Variants in ABHD16B observed in about 807,000 individuals in gnomAD.
ABHD16B encodes the protein abhydrolase domain-containing protein 16B.
Under a neutral mutation model 10.5 loss-of-function variants are expected in ABHD16B, and 14 were observed. The ratio of observed to expected loss-of-function variants is 1.33; its 90% CI spans 0.88 to 2.08. The LOEUF is 2.08. Ranked by LOEUF, ABHD16B falls within the 30% of genes most tolerant of loss-of-function variation. The pLI, the probability that ABHD16B is intolerant of heterozygous loss-of-function variation, is 0.00. For synonymous variants in ABHD16B, 374 were observed against 337.9 expected (o/e 1.11, Z -1.17); for missense variants, 763 against 717.4 (o/e 1.06, Z -0.73).
chr20:63,862,245 C>T lies in ABHD16B; in HGVS notation c.705C>T (p.His235=), dbSNP rs1291643792. The change falls in exon 1 of 1, where the codon CAC becomes CAT. Residue 235 remains histidine (H), a synonymous_variant. Transcript: ENST00000369916. This position sits in a 1 kb window ranked among gnomAD's most constrained non-coding sequence, Gnocchi z 7.5. ...TCGAGTACGCACTGCACCGCCTGCA[C>T]TTCCCGCCCGCGCACCTGGTGGTCT... The part of the protein sequence containing the change: ...VVVEYALHRL[H]FPPAHLVVYG... The T allele has an allele frequency of 1.2e-6, 2 of 1,611,882 alleles. No individual in the cohort carries two copies. Among genetic ancestry groups the T allele is most frequent in the East Asian group, 2.2e-5 (1 of 44,868 alleles).
rs1273499157 is a variant in ABHD16B, at chr20:63,862,536, C to T, written c.996C>T (p.Arg332=). 10 of 1,569,772 alleles carry T rather than the reference C, an allele frequency of 6.4e-6. No individual in the cohort carries two copies. Among genetic ancestry groups the T allele is most frequent in the Middle Eastern group, 1.7e-4 (1 of 6,048 alleles). Residue 332 remains arginine (R), a synonymous_variant, in exon 1 of 1, where the codon CGC becomes CGT. Coordinates refer to ENST00000369916, the MANE Select transcript of ABHD16B (RefSeq NM_080622.4). This position sits in a 1 kb window ranked among gnomAD's most constrained non-coding sequence, Gnocchi z 7.5. ...TGGTCAGCACTTCGGGCCGCCTGCGCCCCCTGTCACCTGGTGACGTGGAGG... is the reference window on the plus strand; with the variant it reads ...TGGTCAGCACTTCGGGCCGCCTGCGTCCCCTGTCACCTGGTGACGTGGAGG... ...DDVVSTSGRL[R]PLSPGDVEGN...
In ABHD16B at chr20:63,862,227, C is replaced by T. The variant is rs753876990; in HGVS notation, c.687C>T (p.Tyr229=). 11 of 1,611,564 alleles carry T rather than the reference C, an allele frequency of 6.8e-6. No individual in the cohort carries two copies. In the South Asian group the frequency reaches 9.9e-5, roughly 14 times the overall value. ...DANAMDVVVE[Y]ALHRLHFPPA... ...ACGCCATGGACGTGGTGGTCGAGTACGCACTGCACCGCCTGCACTTCCCGC... is the reference window on the plus strand; with the variant it reads ...ACGCCATGGACGTGGTGGTCGAGTATGCACTGCACCGCCTGCACTTCCCGC... Residue 229 remains tyrosine, a synonymous_variant, in exon 1 of 1, where the codon TAC becomes TAT. Transcript: ENST00000369916. This position sits in a 1 kb window ranked among gnomAD's most constrained non-coding sequence, Gnocchi z 7.5.
chr20:63,862,623 G>A lies in ABHD16B; in HGVS notation c.1083G>A (p.Ala361=). ...LLEHRYPVVM[A]REGRAVVTRW... is the part of the protein sequence containing the mutation. Reference sequence around the variant, plus strand: ...AGCACCGCTACCCCGTCGTGATGGCGCGAGAGGGCCGCGCCGTCGTCACCC... The same window carrying A: ...AGCACCGCTACCCCGTCGTGATGGCACGAGAGGGCCGCGCCGTCGTCACCC... Residue 361 remains alanine, a synonymous_variant, in exon 1 of 1, where the codon GCG becomes GCA. Coordinates refer to ENST00000369916, the MANE Select transcript of ABHD16B (RefSeq NM_080622.4). The surrounding 1 kb of genome is among the most constrained non-coding windows in gnomAD (Gnocchi z 7.5). 1.3e-6 allele frequency: 2 copies of A among 1,544,936 alleles called. No homozygotes were observed. The highest frequency in any genetic ancestry group is 3.8e-5 in the Admixed American group (2 of 51,976).
Position 63,862,584 on chromosome 20 carries a change from G to C in ABHD16B, c.1044G>C (p.Leu348=). 1.3e-6 allele frequency: 2 copies of C among 1,562,094 alleles called. No individual in the cohort carries two copies. Among genetic ancestry groups the C allele is most frequent in the South Asian group, 1.2e-5 (1 of 86,248 alleles). ...DVEGNRGNEL[L]LRLLEHRYPV... Reference sequence around the variant, plus strand: ...AGGGCAACCGGGGCAATGAGCTGCTGCTGCGCCTGCTGGAGCACCGCTACC... The same window carrying C: ...AGGGCAACCGGGGCAATGAGCTGCTCCTGCGCCTGCTGGAGCACCGCTACC... Residue 348 remains leucine (L), a synonymous_variant, in exon 1 of 1, where the codon CTG becomes CTC. Coordinates refer to ENST00000369916, the MANE Select transcript of ABHD16B (RefSeq NM_080622.4). This position sits in a 1 kb window ranked among gnomAD's most constrained non-coding sequence, Gnocchi z 7.5.
rs1176643027 is a variant in ABHD16B, at chr20:63,862,571, G to A, written c.1031G>A (p.Gly344Asp). Residue 344 changes from glycine to aspartate, a missense_variant, in exon 1 of 1, where the codon GGC becomes GAC. Transcript: ENST00000369916. This position sits in a 1 kb window ranked among gnomAD's most constrained non-coding sequence, Gnocchi z 7.5. ...LSPGDVEGNR[G>D]NELLLRLLEH... ...CCTGGTGACGTGGAGGGCAACCGGG[G>A]CAATGAGCTGCTGCTGCGCCTGCTG... 34 of 1,567,826 alleles carry A rather than the reference G, an allele frequency of 2.2e-5. No homozygotes were observed. Among genetic ancestry groups the A allele is most frequent in the African/African-American group, 8.1e-5 (6 of 74,462 alleles).
rs199853129 is a variant in ABHD16B, at chr20:63,862,161, C to A, written c.621C>A (p.Phe207Leu). Residue 207 changes from phenylalanine (F) to leucine (L), a missense_variant, in exon 1 of 1, where the codon TTC becomes TTA. Coordinates refer to ENST00000369916, the MANE Select transcript of ABHD16B (RefSeq NM_080622.4). This position sits in a 1 kb window ranked among gnomAD's most constrained non-coding sequence, Gnocchi z 7.5. ...TGCTGGGCTGGAACCACCCCGGCTT[C>A]GGCAGCAGCACTGGCGTGCCCTTCC... ...YSVLGWNHPG[F>L]GSSTGVPFPQ... 2.5e-6 allele frequency: 4 copies of A among 1,611,234 alleles called. No individual in the cohort carries two copies. The African/African-American group carries it at 5.3e-5, about 22-fold the overall frequency.
chr20:63,861,926 A>T lies in ABHD16B; in HGVS notation c.386A>T (p.Gln129Leu). 6.3e-7 allele frequency: 1 copy of T among 1,592,130 alleles called. No homozygotes were observed. The highest frequency in any genetic ancestry group is 1.1e-5 in the South Asian group (1 of 90,770). Residue 129 changes from glutamine (Q) to leucine (L), a missense_variant, in exon 1 of 1, where the codon CAG becomes CTG. By Grantham distance (113) the Gln-to-Leu change is moderately radical. Transcript: ENST00000369916. The surrounding 1 kb of genome is among the most constrained non-coding windows in gnomAD (Gnocchi z 5.4). ...MTRALLPLLQQGQERLVERYH... is the reference protein window; with the variant it reads ...MTRALLPLLQLGQERLVERYH... ...CGCGCGCTGCTGCCGCTGCTGCAGC[A>T]GGGCCAAGAGCGCCTCGTGGAGCGC...
In ABHD16B at chr20:63,862,470, C is replaced by T. The variant is rs527950014; in HGVS notation, c.930C>T (p.Tyr310=). The T allele has an allele frequency of 4.5e-6, 7 of 1,564,702 alleles. No individual in the cohort carries two copies. The East Asian group carries it at 1.4e-4, about 31-fold the overall frequency. The change falls in exon 1 of 1, where the codon TAC becomes TAT. Residue 310 remains tyrosine, a synonymous_variant. Transcript: ENST00000369916. The surrounding 1 kb of genome is among the most constrained non-coding windows in gnomAD (Gnocchi z 7.5). The stretch of plus-strand genomic sequence containing the variant: ...ACGTGGCCGAGCAGCTGTGCTGCTA[C>T]CCGGGGCCGGTGCTGCTGCTCCGAC... ...NLNVAEQLCC[Y]PGPVLLLRRT... is the part of the protein sequence containing the mutation.
chr20:63,862,218 GGTC>G lies in ABHD16B; in HGVS notation c.680_682del (p.Val227del), dbSNP rs1568928721. On this transcript the variant is annotated inframe_deletion, in exon 1 of 1. Coordinates refer to ENST00000369916, the MANE Select transcript of ABHD16B (RefSeq NM_080622.4). This position sits in a 1 kb window ranked among gnomAD's most constrained non-coding sequence, Gnocchi z 7.5. ...ACGACGCCAACGCCATGGACGTGGT[GGTC>G]GAGTACGCACTGCACCGCCTGCACT... The G allele has an allele frequency of 1.9e-6, 3 of 1,611,456 alleles. No homozygotes were observed. The South Asian group carries it at 3.3e-5, about 18-fold the overall frequency.
rs866752479 is a variant in ABHD16B, at chr20:63,862,684, G to A, written c.1144G>A (p.Ala382Thr). ...CGCTGGCAGCTTGGCGCAGGAGGCCGCCTTCTATGCACGCTACCGCGTGGA... is the reference window on the plus strand; with the variant it reads ...CGCTGGCAGCTTGGCGCAGGAGGCCACCTTCTATGCACGCTACCGCGTGGA... ...LRAGSLAQEAAFYARYRVDED... is the reference protein window; with the variant it reads ...LRAGSLAQEATFYARYRVDED... Residue 382 changes from alanine to threonine, a missense_variant, in exon 1 of 1, where the codon GCC (alanine) becomes ACC (threonine). Coordinates refer to ENST00000369916, the MANE Select transcript of ABHD16B (RefSeq NM_080622.4). The surrounding 1 kb of genome is among the most constrained non-coding windows in gnomAD (Gnocchi z 7.5). 3.3e-6 allele frequency: 5 copies of A among 1,535,232 alleles called. No homozygotes were observed. The highest frequency in any genetic ancestry group is 2.4e-5 in the East Asian group (1 of 40,866).
Position 63,862,536 on chromosome 20 carries a change from C to G in ABHD16B, c.996C>G (p.Arg332=). The change falls in exon 1 of 1, where the codon CGC becomes CGG. Residue 332 remains arginine, a synonymous_variant. Transcript: ENST00000369916. The surrounding 1 kb of genome is among the most constrained non-coding windows in gnomAD (Gnocchi z 7.5). ...TGGTCAGCACTTCGGGCCGCCTGCG[C>G]CCCCTGTCACCTGGTGACGTGGAGG... is the stretch of plus-strand genomic sequence containing the variant. ...DDVVSTSGRL[R]PLSPGDVEGN... 6.4e-7 allele frequency: 1 copy of G among 1,569,890 alleles called. No homozygotes were observed. Among genetic ancestry groups the G allele is most frequent in the East Asian group, 2.3e-5 (1 of 43,280 alleles).
In ABHD16B at chr20:63,862,254, C is replaced by T. The variant is rs1165004388; in HGVS notation, c.714C>T (p.Pro238=). 4 of 1,612,014 alleles carry T rather than the reference C, an allele frequency of 2.5e-6. No individual in the cohort carries two copies. Among genetic ancestry groups the T allele is most frequent in the South Asian group, 1.1e-5 (1 of 90,972 alleles). Residue 238 remains proline, a synonymous_variant, in exon 1 of 1, where the codon CCC becomes CCT. Coordinates refer to ENST00000369916, the MANE Select transcript of ABHD16B (RefSeq NM_080622.4). The surrounding 1 kb of genome is among the most constrained non-coding windows in gnomAD (Gnocchi z 7.5). The part of the protein sequence containing the change: ...EYALHRLHFP[P]AHLVVYGWSV... ...CACTGCACCGCCTGCACTTCCCGCC[C>T]GCGCACCTGGTGGTCTACGGCTGGT...
In ABHD16B at chr20:63,862,786, G is replaced by T; in HGVS notation, c.1246G>T (p.Gly416Trp). 2 of 1,533,578 alleles carry T rather than the reference G, an allele frequency of 1.3e-6. No individual in the cohort carries two copies. The highest frequency in any genetic ancestry group is 1.7e-6 in the Non-Finnish European group (2 of 1,144,304). The allele number at this position is 1,533,578 out of a possible 1,614,324, so 95.0% of individuals were successfully genotyped here. A position where few individuals can be genotyped will look rare whatever the true frequency, so the allele number is the denominator to read the frequency against. Reference protein sequence around the residue: ...EEELEGEEALGPHGPAFPWLV... With the variant: ...EEELEGEEALWPHGPAFPWLV... ...GGAGCTGGAGGGCGAGGAGGCCCTG[G>T]GGCCACACGGACCCGCCTTCCCATG... Residue 416 changes from glycine (G) to tryptophan (W), a missense_variant, in exon 1 of 1, where the codon GGG becomes TGG. Coordinates refer to ENST00000369916, the MANE Select transcript of ABHD16B (RefSeq NM_080622.4). The surrounding 1 kb of genome is among the most constrained non-coding windows in gnomAD (Gnocchi z 7.5).
chr20:63,861,899 C>A lies in ABHD16B; in HGVS notation c.359C>A (p.Thr120Lys), dbSNP rs913407865. The change falls in exon 1 of 1, where the codon ACG (threonine) becomes AAG (lysine). Residue 120 changes from threonine (T) to lysine (K), a missense_variant. Coordinates refer to ENST00000369916, the MANE Select transcript of ABHD16B (RefSeq NM_080622.4). The surrounding 1 kb of genome is among the most constrained non-coding windows in gnomAD (Gnocchi z 5.4). ...TACCCCGGCTCCGTGTCCCTGATGA[C>A]GCGCGCGCTGCTGCCGCTGCTGCAG... ...LVYPGSVSLM[T>K]RALLPLLQQG... 5.7e-6 allele frequency: 9 copies of A among 1,585,290 alleles called. No homozygotes were observed. In the African/African-American group the frequency reaches 1.2e-4, roughly 21 times the overall value.
chr20:63,861,529 G>A lies in ABHD16B; in HGVS notation c.-12G>A, dbSNP rs1228971802. 1 of 1,543,042 alleles carries A rather than the reference G, an allele frequency of 6.5e-7. No individual in the cohort carries two copies. Among genetic ancestry groups the A allele is most frequent in the East Asian group, 2.4e-5 (1 of 41,094 alleles). On this transcript the variant is annotated 5_prime_UTR_variant, in exon 1 of 1. Coordinates refer to ENST00000369916, the MANE Select transcript of ABHD16B (RefSeq NM_080622.4). The surrounding 1 kb of genome is among the most constrained non-coding windows in gnomAD (Gnocchi z 5.4). Reference sequence around the variant, plus strand: ...ATCCCGGCCCAGCGGCTGGGCGTTAGGGCCACCGCTCATGTGCGTCATCTG... The same window carrying A: ...ATCCCGGCCCAGCGGCTGGGCGTTAAGGCCACCGCTCATGTGCGTCATCTG...
chr20:63,861,823 G>T lies in ABHD16B; in HGVS notation c.283G>T (p.Gly95Cys), dbSNP rs1372961286. 1.5e-5 allele frequency: 22 copies of T among 1,507,002 alleles called. No homozygotes were observed. The highest frequency in any genetic ancestry group is 6.5e-5 in the Admixed American group (3 of 46,190). 93.4% of individuals were successfully genotyped at this position (1,507,002 alleles called of 1,614,324 possible). ...CLLQQLRELP[G>C]QLASYALAHS... ...CTTGCAGCAGCTCCGCGAGCTGCCC[G>T]GCCAGCTCGCTAGCTACGCGCTGGC... The change falls in exon 1 of 1, where the codon GGC becomes TGC. Residue 95 changes from glycine (G) to cysteine (C), a missense_variant. Gly to Cys is a radical substitution (Grantham distance 159). Coordinates refer to ENST00000369916, the MANE Select transcript of ABHD16B (RefSeq NM_080622.4). The surrounding 1 kb of genome is among the most constrained non-coding windows in gnomAD (Gnocchi z 5.4).
rs1426496979 is a variant in ABHD16B at position 63,861,900 on chromosome 20, G to C, written c.360G>C (p.Thr120=). The C allele has an allele frequency of 1.3e-6, 2 of 1,585,104 alleles. No individual in the cohort carries two copies. The highest frequency in any genetic ancestry group is 1.7e-5 in the Admixed American group (1 of 58,768). The change falls in exon 1 of 1, where the codon ACG becomes ACC. Residue 120 remains threonine, a synonymous_variant. Transcript: ENST00000369916. The surrounding 1 kb of genome is among the most constrained non-coding windows in gnomAD (Gnocchi z 5.4). ...ACCCCGGCTCCGTGTCCCTGATGAC[G>C]CGCGCGCTGCTGCCGCTGCTGCAGC... ...LVYPGSVSLM[T]RALLPLLQQG...
At position 63,862,507 on chromosome 20, in the gene ABHD16B, G is replaced by T; in HGVS notation, c.967G>T (p.Asp323Tyr). The change falls in exon 1 of 1, where the codon GAC becomes TAC. Residue 323 changes from aspartate to tyrosine, a missense_variant. By Grantham distance (160) the Asp-to-Tyr change is radical. Transcript: ENST00000369916. The surrounding 1 kb of genome is among the most constrained non-coding windows in gnomAD (Gnocchi z 7.5). ...GCTGCTGCTCCGACGCACGCAGGAT[G>T]ACGTGGTCAGCACTTCGGGCCGCCT... ...PVLLLRRTQD[D>Y]VVSTSGRLRP... 6.4e-7 allele frequency: 1 copy of T among 1,568,062 alleles called. No homozygotes were observed. The highest frequency in any genetic ancestry group is 1.1e-5 in the South Asian group (1 of 86,982).
rs1265604197 is a variant in ABHD16B, at chr20:63,861,551, T to C, written c.11T>C (p.Ile4Thr). 1 of 1,553,874 alleles carries C rather than the reference T, an allele frequency of 6.4e-7. No homozygotes were observed. Among genetic ancestry groups the C allele is most frequent in the South Asian group, 1.2e-5 (1 of 84,846 alleles). ...TTAGGGCCACCGCTCATGTGCGTCA[T>C]CTGCTTCGTGAAGGCGCTGGTGCGC... The part of the protein sequence containing the change: MCV[I>T]CFVKALVRVF... The change falls in exon 1 of 1, where the codon ATC becomes ACC. Residue 4 changes from isoleucine (I) to threonine (T), a missense_variant. Physicochemically the swap from Ile to Thr is moderately conservative, Grantham distance 89. Transcript: ENST00000369916. This position sits in a 1 kb window ranked among gnomAD's most constrained non-coding sequence, Gnocchi z 5.4.
Sources: allele counts gnomAD v4.1 joint callset, GRCh38; gene constraint gnomAD v4.1.1; non-coding constraint Gnocchi (gnomAD v3.1); transcripts MANE v1.5; gene names NCBI Gene and HGNC (gene_info 2026-07-23, HGNC 2026-07-21).